UBE3D: variants seen among roughly 807,000 people sequenced by gnomAD.
The protein encoded by UBE3D is E3 ubiquitin-protein ligase E3D.
Under a neutral mutation model 49.6 loss-of-function variants are expected in UBE3D, and 48 were observed. The observed-to-expected ratio is 0.97, with a 90% CI of 0.77 to 1.23. The LOEUF is 1.23. Among genes scored for constraint, UBE3D ranks in the 50% most tolerant of loss-of-function variants. UBE3D has a pLI of 0.00. For missense variants in UBE3D, 452 were observed against 468.4 expected (o/e 0.96, Z 0.32); for synonymous variants, 189 against 174.2 (o/e 1.08, Z -0.67).
intron 3 of UBE3D, among the ~76,000 whole-genome samples, chr6:83,044,898 AGT>A (rs139232796): frequency 0.011 from 1,642 of 152,296 alleles, 33 homozygotes; most frequent in African/African-American, 0.038. Flanking sequence ...TAAACATGAC[AGT>A]GTATTTCTTT....
chr6:82,977,991 C>T (rs1162151280), intron 8 of UBE3D, among the ~76,000 whole-genome samples: 1 of 152,038 alleles, frequency 6.6e-6, no homozygotes, highest in Non-Finnish European at 1.5e-5. Context: ...CCAGCTCTTC[C>T]GCTGGGTTAT....
chr6:82,896,759 TGA>T (rs910340397), intron 9 of UBE3D, among the ~76,000 whole-genome samples: 1 of 151,988 alleles, frequency 6.6e-6, no homozygotes, highest in African/African-American at 2.4e-5. Flanking sequence ...TTTTTTTTTT[TGA>T]GAGAGAGTCT....
At chr6:83,008,276 T>C (rs1027677747) in intron 8 of UBE3D, among the ~76,000 whole-genome samples, 1 of 152,182 alleles carries the variant, frequency 6.6e-6, no homozygotes, top group African/African-American at 2.4e-5. Flanking sequence ...TTACTCCCAG[T>C]CTACACATGA....
At chr6:82,968,380 A>G (rs1205519602) in intron 8 of UBE3D, among the ~76,000 whole-genome samples, 1 of 149,902 alleles carries the variant, frequency 6.7e-6, no homozygotes, top group East Asian at 2.0e-4. Context: ...CCTCAAATCA[A>G]CTGCTCTGGG....
intron 9 of UBE3D, among the ~76,000 whole-genome samples, chr6:82,900,104 C>A (rs1282616050): frequency 6.6e-6 from 1 of 152,180 alleles, no homozygotes; most frequent in Non-Finnish European, 1.5e-5. Flanking sequence ...CAGAAGGGAA[C>A]AGTGGCACTG....
At chr6:83,032,208 A>G in intron 5 of UBE3D, 1 of 456,252 alleles carries the variant, frequency 2.2e-6, no homozygotes, top group Non-Finnish European at 4.4e-6. Context: ...GTACCTCAAC[A>G]CCAGCCCATG....
At chr6:82,945,508 C>A (rs373281716) in intron 9 of UBE3D, among the ~76,000 whole-genome samples, 3 of 152,276 alleles carry the variant, frequency 2.0e-5, no homozygotes, top group South Asian at 4.1e-4. Context: ...CTTTTGAATG[C>A]CTGGAAAGCC....
intron 5 of UBE3D, among the ~76,000 whole-genome samples, chr6:83,025,000 AACTT>A (rs1481257720): frequency 2.0e-5 from 3 of 152,210 alleles, no homozygotes; most frequent in African/African-American, 7.2e-5. Flanking sequence ...CTTGACATAG[AACTT>A]TCTTATACAA....
At chr6:82,885,069 C>T in the UBE3D span, among the ~76,000 whole-genome samples, 507 of 152,052 alleles carry the variant, frequency 3.3e-3, 12 homozygotes, top group Non-Finnish European at 2.5e-3. Flanking sequence ...TGGGTTGTCA[C>T]GTCCCTTGTT....
chr6:82,907,818 C>T (rs1026820083), intron 9 of UBE3D, among the ~76,000 whole-genome samples: 5 of 152,082 alleles, frequency 3.3e-5, no homozygotes, highest in Non-Finnish European at 7.4e-5. Flanking sequence ...ATCCTACAAC[C>T]CAGCAATTCC....
chr6:82,904,298 A>T (rs192305030), intron 9 of UBE3D, among the ~76,000 whole-genome samples: 1 of 152,340 alleles, frequency 6.6e-6, no homozygotes, highest in Non-Finnish European at 1.5e-5. Flanking sequence ...ATTTTACTTA[A>T]AGTCACAGTT....
intron 8 of UBE3D, among the ~76,000 whole-genome samples, chr6:82,996,838 G>C (rs1400068439): frequency 1.3e-5 from 2 of 152,188 alleles, no homozygotes; most frequent in Non-Finnish European, 2.9e-5. Context: ...AGAAGACAAA[G>C]GAGATATGAC....
Position 83,023,384 on chromosome 6 carries a change from T to G in UBE3D, c.737+585A>C, listed in dbSNP as rs192730954. Among the ~76,000 whole-genome samples the G allele has an allele frequency of 1.4e-4, 22 of 152,318 alleles. No individual in the cohort carries two copies. The East Asian group carries it at 3.7e-3, about 25-fold the overall frequency. On this transcript the variant is annotated intron_variant, in intron 6 of 9. Transcript: ENST00000369747. ...TATATGATCAAAACATTTTTTAAAATCCTCAAAACTTTTATATGTGTGGTT... is the reference window on the plus strand; with the variant it reads ...TATATGATCAAAACATTTTTTAAAAGCCTCAAAACTTTTATATGTGTGGTT...
intron 9 of UBE3D, among the ~76,000 whole-genome samples, chr6:82,894,449 G>T (rs539161319): frequency 6.6e-6 from 1 of 152,130 alleles, no homozygotes; most frequent in Admixed American, 6.5e-5. Context: ...AAGCCATACT[G>T]CCCAGACCCC....
At chr6:82,945,985 A>G (rs1775373204) in intron 9 of UBE3D, among the ~76,000 whole-genome samples, 1 of 152,180 alleles carries the variant, frequency 6.6e-6, no homozygotes. Context: ...GAATAATGAA[A>G]GAATGAAGCA....
chr6:82,979,211 A>AT (rs887404406), intron 8 of UBE3D, among the ~76,000 whole-genome samples: 1 of 152,008 alleles, frequency 6.6e-6, no homozygotes, highest in African/African-American at 2.4e-5. Context: ...TTGCTAAATG[A>AT]TTTTTTTTAA....
chr6:83,011,533 A>C (rs112602094), intron 8 of UBE3D, among the ~76,000 whole-genome samples: 2 of 152,088 alleles, frequency 1.3e-5, no homozygotes, highest in Non-Finnish European at 2.9e-5. Flanking sequence ...AGATGCCCTA[A>C]TGGATCTCCT....
intron 9 of UBE3D, among the ~76,000 whole-genome samples, chr6:82,941,188 A>C (rs891874388): frequency 6.6e-6 from 1 of 152,220 alleles, no homozygotes; most frequent in South Asian, 2.1e-4. Flanking sequence ...CCTGGGTGAC[A>C]GAGCAAGACT....
chr6:82,950,059 C>A (rs1201543958), intron 9 of UBE3D, among the ~76,000 whole-genome samples: 1 of 152,054 alleles, frequency 6.6e-6, no homozygotes, highest in East Asian at 1.9e-4. Context: ...AGGAAACAAT[C>A]AACAAAGTGA....
Sources: allele counts gnomAD v4.1 joint callset (sites outside exome capture counted in the v4.1 genomes callset), GRCh38; gene constraint gnomAD v4.1.1; transcripts MANE v1.5; gene names NCBI Gene and HGNC (gene_info 2026-07-23, HGNC 2026-07-21).